UTRN: variants seen among roughly 807,000 people sequenced by gnomAD.
The protein encoded by UTRN is utrophin.
UTRN carries 283 observed loss-of-function variants against 463.9 expected under a neutral mutation model. The ratio of observed to expected loss-of-function variants is 0.61; its 90% confidence interval spans 0.55 to 0.67. UTRN has a LOEUF of 0.67. Ranked by LOEUF, UTRN falls within the 30% of genes least tolerant of loss-of-function variation. The pLI, the probability that UTRN is intolerant of heterozygous loss-of-function variation, is 0.00. For synonymous variants in UTRN, 1,442 were observed against 1,431.5 expected (o/e 1.01, Z -0.17); for missense variants, 3,922 against 4,084.3 (o/e 0.96, Z 1.08).
intron 50 of UTRN, among the ~76,000 whole-genome samples, chr6:144,562,709 G>A (rs568433402): frequency 2.6e-5 from 4 of 152,210 alleles, no homozygotes; most frequent in Admixed American, 1.3e-4. Flanking sequence ...TATTCCTGTG[G>A]GTATATACCC....
At chr6:144,472,102 G>A (rs890019035) in intron 23 of UTRN, among the ~76,000 whole-genome samples, 1 of 152,120 alleles carries the variant, frequency 6.6e-6, no homozygotes, top group Admixed American at 6.5e-5. Flanking sequence ...TGGAGATGGA[G>A]GAATGTCCTA....
chr6:144,847,208 G>T (rs1465503655), intron 74 of UTRN, among the ~76,000 whole-genome samples: 1 of 152,046 alleles, frequency 6.6e-6, no homozygotes. Flanking sequence ...TTGTTACTTT[G>T]CAGGGGAAAA....
Position 144,490,987 on chromosome 6 carries a change from A to C in UTRN, c.4322A>C (p.Glu1441Ala). 1 of 1,612,632 alleles carries C rather than the reference A, an allele frequency of 6.2e-7. No homozygotes were observed. The highest frequency in any genetic ancestry group is 8.5e-7 in the Non-Finnish European group (1 of 1,179,262). Residue 1441 changes from glutamate to alanine, a missense_variant, in exon 32 of 75, where the codon GAG (glutamate) becomes GCG (alanine). Glu to Ala is a moderately radical substitution (Grantham distance 107, BLOSUM62 -1). Coordinates refer to ENST00000367545, the MANE Select transcript of UTRN (RefSeq NM_007124.3). ...CTTTTCCAGAAGCCAGCTAACTTCGAGCAGCGCATGCTGGACTGCAAGCGT... is the reference window on the plus strand; with the variant it reads ...CTTTTCCAGAAGCCAGCTAACTTCGCGCAGCGCATGCTGGACTGCAAGCGT... ...FQLFQKPANF[E>A]QRMLDCKRVL...
intron 51 of UTRN, among the ~76,000 whole-genome samples, chr6:144,581,425 G>A (rs1801954210): frequency 6.6e-6 from 1 of 152,146 alleles, no homozygotes; most frequent in South Asian, 2.1e-4. Context: ...CTGGAGTGGT[G>A]TTGTCATGGG....
At chr6:144,489,684 C>T (rs990909549) in intron 30 of UTRN, among the ~76,000 whole-genome samples, 2 of 152,066 alleles carry the variant, frequency 1.3e-5, no homozygotes, top group South Asian at 2.1e-4. Flanking sequence ...TGCAGTGGCG[C>T]GATCTCGGCT....
chr6:144,379,917 G>A (rs1156809329), intron 2 of UTRN, among the ~76,000 whole-genome samples: 2 of 152,208 alleles, frequency 1.3e-5, no homozygotes, highest in African/African-American at 4.8e-5. Flanking sequence ...CTGTGGAGGA[G>A]TGGAGGAGAA....
At chr6:144,743,315 A>C (rs78123183) in intron 54 of UTRN, among the ~76,000 whole-genome samples, 1 of 152,238 alleles carries the variant, frequency 6.6e-6, no homozygotes, top group Non-Finnish European at 1.5e-5. Context: ...GGAAATGTTT[A>C]TTAAACAATA....
Position 144,577,081 on chromosome 6 carries a change from T to G in UTRN, c.7290-18T>G, listed in dbSNP as rs775573662. 3 of 1,610,350 alleles carry G rather than the reference T, an allele frequency of 1.9e-6. No homozygotes were observed. Among genetic ancestry groups the G allele is most frequent in the African/African-American group, 2.7e-5 (2 of 74,822 alleles). ...CACTGTAAGTAATGGAGCCGTGCTG[T>G]CATATTGTTACTTTCAGTATTGCTG... On this transcript the variant is annotated intron_variant, in intron 50 of 74. Transcript: ENST00000367545.
At chr6:144,432,468 G>A (rs1014631348) in intron 9 of UTRN, among the ~76,000 whole-genome samples, 1 of 152,164 alleles carries the variant, frequency 6.6e-6, no homozygotes, top group Non-Finnish European at 1.5e-5. Flanking sequence ...GCCAGTGAAA[G>A]GTTTTCAGCA....
Position 144,793,878 on chromosome 6 carries a change from A to C in UTRN, c.8965A>C (p.Arg2989=). The change falls in exon 63 of 75, where the codon AGG becomes CGG. Residue 2989 remains arginine (R), a synonymous_variant. Coordinates refer to ENST00000367545, the MANE Select transcript of UTRN (RefSeq NM_007124.3). ...AGGGCCAACAGAAATGTGTGACCAG[A>C]GGCAGCTGGGCCTGTTACTTCATGA... ...VAGPTEMCDQ[R]QLGLLLHDAI... 6.2e-7 allele frequency: 1 copy of C among 1,614,134 alleles called. No homozygotes were observed. Among genetic ancestry groups the C allele is most frequent in the Admixed American group, 1.7e-5 (1 of 60,012 alleles).
chr6:144,740,459 T>TTAAATACTTCAA (rs1287526756), intron 54 of UTRN, among the ~76,000 whole-genome samples: 1 of 152,210 alleles, frequency 6.6e-6, no homozygotes, highest in African/African-American at 2.4e-5. Context: ...TTAATTTTCA[T>TTAAATACTTCAA]ATAAAAATTT....
chr6:144,437,476 A>G, intron 10 of UTRN, 89 bp from the exon 11 acceptor site: 1 of 1,312,018 alleles, frequency 7.6e-7, no homozygotes. Flanking sequence ...CATCACTGAC[A>G]TTTAGGTTAG....
At chr6:144,816,118 G>A (rs1779053065) in intron 65 of UTRN, among the ~76,000 whole-genome samples, 1 of 152,162 alleles carries the variant, frequency 6.6e-6, no homozygotes, top group African/African-American at 2.4e-5. Flanking sequence ...ACAGACGAAA[G>A]TACTGAGCTG....
At chr6:144,584,877 A>G (rs1802310040) in intron 51 of UTRN, among the ~76,000 whole-genome samples, 1 of 152,136 alleles carries the variant, frequency 6.6e-6, no homozygotes, top group African/African-American at 2.4e-5. Context: ...TTATTCTGGT[A>G]AAACATTTAT....
chr6:144,773,031 CAT>C (rs995592762), intron 59 of UTRN, among the ~76,000 whole-genome samples: 5 of 151,416 alleles, frequency 3.3e-5, no homozygotes, highest in African/African-American at 1.2e-4. Context: ...AAACAAAAGA[CAT>C]AGAACTGGTT....
At chr6:144,297,879 G>A (rs984190100) in intron 2 of UTRN, among the ~76,000 whole-genome samples, 3 of 152,202 alleles carry the variant, frequency 2.0e-5, no homozygotes, top group Non-Finnish European at 4.4e-5. Flanking sequence ...GTGAATTGCT[G>A]AGGATGATTC....
rs1355462529 is a variant in UTRN, at chr6:144,482,399, A to ATTGTTATTG, written c.3687+13_3687+14insGTTATTGTT. ...TGCCACACGCTAGAGGTATGCTATT[A>ATTGTTATTG]TTATTATTGTTGTTATTATTATTAT... is the stretch of plus-strand genomic sequence containing the variant. On this transcript the variant is annotated intron_variant, in intron 27 of 74. Transcript: ENST00000367545. 3.8e-6 allele frequency: 5 copies of ATTGTTATTG among 1,329,814 alleles called. No homozygotes were observed. In the African/African-American group the frequency reaches 9.0e-5, roughly 24 times the overall value. The allele number at this position is 1,329,814 out of a possible 1,614,324, so 82.4% of individuals were successfully genotyped here.
intron 59 of UTRN, among the ~76,000 whole-genome samples, chr6:144,772,204 T>A (rs1404807011): frequency 6.6e-6 from 1 of 151,616 alleles, no homozygotes; most frequent in African/African-American, 2.4e-5. Flanking sequence ...CAGCTAATTT[T>A]TCGTATTTTA....
At chr6:144,505,109 C>G (rs937083120) in intron 34 of UTRN, among the ~76,000 whole-genome samples, 1 of 152,050 alleles carries the variant, frequency 6.6e-6, no homozygotes, top group Admixed American at 6.6e-5. Context: ...GGTGATACCC[C>G]CTTTATCTTT....
Sources: gnomAD v4.1 joint callset for allele counts (sites outside exome capture counted in the v4.1 genomes callset) on GRCh38, gnomAD v4.1.1 for gene constraint, MANE v1.5 for transcripts, NCBI Gene and HGNC (gene_info 2026-07-23, HGNC 2026-07-21) for gene names.